Variants in NPAS3 observed in about 807,000 individuals in gnomAD.
NPAS3 encodes neuronal PAS domain-containing protein 3.
In NPAS3, 14 loss-of-function variants were observed where a neutral mutation model predicts 73.1. The observed-to-expected ratio is 0.19, with a 90% CI of 0.13 to 0.30. The LOEUF is 0.30. NPAS3 is among the 10% of genes least tolerant of loss of function. The pLI is 1.00. For synonymous variants in NPAS3, 620 were observed against 541.5 expected, an observed-to-expected ratio of 1.14 and a Z score of -2.01; for missense variants, 1,096 against 1,250.0, an observed-to-expected ratio of 0.88 and a Z score of 1.86.
chr14:33,129,162 T>A (rs538378896), intron 2 of NPAS3, among the ~76,000 whole-genome samples: 1 of 152,132 alleles, frequency 6.6e-6, no homozygotes, highest in Admixed American at 6.6e-5. Flanking sequence ...ACTCACTGAT[T>A]GAAACAAATA....
intron 2 of NPAS3, among the ~76,000 whole-genome samples, chr14:33,143,652 T>A (rs2044139904): frequency 6.6e-6 from 1 of 152,206 alleles, no homozygotes; most frequent in African/African-American, 2.4e-5. Context: ...AAATAGCACC[T>A]CTATCTAGTT....
At chr14:33,189,161 CA>C (rs2046081614) in intron 2 of NPAS3, among the ~76,000 whole-genome samples, 1 of 152,166 alleles carries the variant, frequency 6.6e-6, no homozygotes, top group South Asian at 2.1e-4. Flanking sequence ...TAGGCCTAAA[CA>C]ATTTACCTGG....
At chr14:33,583,580 G>C (rs766107954) in intron 5 of NPAS3, among the ~76,000 whole-genome samples, 19 of 152,044 alleles carry the variant, frequency 1.2e-4, no homozygotes, top group Non-Finnish European at 2.6e-4. Context: ...TAGATGTTTA[G>C]GTACAATGTA....
At position 33,653,574 on chromosome 14, in the gene NPAS3, C is replaced by T. The variant is rs934342385; in HGVS notation, c.559-22637C>T. 2.0e-5 allele frequency among the ~76,000 whole-genome samples: 3 copies of T among 152,224 alleles called. No homozygotes were observed. The South Asian group carries it at 6.2e-4, about 32-fold the overall frequency. ...ATTAGGCTGTAGTTTATACCCAGCT[C>T]ACTGGGGAAATGTTGGAATTAATAT... On this transcript the variant is annotated intron_variant, in intron 5 of 11. Transcript: ENST00000356141.
intron 5 of NPAS3, among the ~76,000 whole-genome samples, chr14:33,597,251 A>G (rs1399594721): frequency 6.6e-6 from 1 of 152,112 alleles, no homozygotes; most frequent in African/African-American, 2.4e-5. Context: ...CGTGAGCTCA[A>G]TCTTTGGAGC....
At chr14:33,326,850 G>T (rs2043732392) in intron 3 of NPAS3, among the ~76,000 whole-genome samples, 1 of 152,148 alleles carries the variant, frequency 6.6e-6, no homozygotes, top group Admixed American at 6.6e-5. Flanking sequence ...TCGGTAGCAG[G>T]TATACATGAC....
chr14:33,028,056 G>C (rs1302256576), intron 1 of NPAS3, among the ~76,000 whole-genome samples: 1 of 152,102 alleles, frequency 6.6e-6, no homozygotes, highest in Admixed American at 6.6e-5. Context: ...ACTTTTTTAT[G>C]AATTCAAGAA....
At position 33,099,331 on chromosome 14, in the gene NPAS3, A is replaced by G. The variant is rs570403490; in HGVS notation, c.140+43337A>G. ...TGAAAGCCATGGACATCTTAATACTATGGTACCATCTTTGCGTATTCATAC... is the reference window on the plus strand; with the variant it reads ...TGAAAGCCATGGACATCTTAATACTGTGGTACCATCTTTGCGTATTCATAC... On this transcript the variant is annotated intron_variant, in intron 2 of 11. Transcript: ENST00000356141. 5.3e-5 allele frequency among the ~76,000 whole-genome samples: 8 copies of G among 152,346 alleles called. No homozygotes were observed. The East Asian group carries it at 1.5e-3, about 29-fold the overall frequency.
intron 1 of NPAS3, among the ~76,000 whole-genome samples, chr14:32,940,148 G>C (rs574757963): frequency 2.6e-4 from 39 of 152,374 alleles, no homozygotes; most frequent in Admixed American, 2.5e-3. Context: ...AGCAGTTGGA[G>C]CATCTATGCC....
chr14:33,255,720 C>T (rs755040680), intron 3 of NPAS3, among the ~76,000 whole-genome samples: 11 of 152,134 alleles, frequency 7.2e-5, no homozygotes, highest in Non-Finnish European at 1.2e-4. Flanking sequence ...TCTTGGAAAA[C>T]CAATTTCACA....
chr14:33,718,337 A>G (rs1056750159), intron 6 of NPAS3, among the ~76,000 whole-genome samples: 1 of 151,380 alleles, frequency 6.6e-6, no homozygotes, highest in Non-Finnish European at 1.5e-5. Context: ...TTTCTTTTTC[A>G]TCATTTTTAT....
chr14:33,037,199 A>G (rs535733706), intron 1 of NPAS3, among the ~76,000 whole-genome samples: 1 of 152,278 alleles, frequency 6.6e-6, no homozygotes, highest in East Asian at 1.9e-4. Context: ...AAATGTTAAT[A>G]TATTTGTGAG....
rs554596457 is a variant in NPAS3 at position 33,781,083 on chromosome 14, G to A, written c.1153+2511G>A. On this transcript the variant is annotated intron_variant, in intron 9 of 11. Transcript: ENST00000356141. ...TCACATATTTAGCTATCATGCTGTG[G>A]AATAACTCCACAATGTCAAGTAGCA... Among the ~76,000 whole-genome samples, 65 of 152,282 alleles carry A rather than the reference G, an allele frequency of 4.3e-4. 1 individual carries two copies. The highest frequency in any genetic ancestry group is 1.5e-3 in the African/African-American group (62 of 41,556).
intron 4 of NPAS3, among the ~76,000 whole-genome samples, chr14:33,498,931 A>AGTGTGTGTGTGTGTGT (rs768888278): frequency 1.7e-5 from 2 of 119,294 alleles, no homozygotes; most frequent in Admixed American, 8.5e-5. Flanking sequence ...AGAGACAGAG[A>AGTGTGTGTGTGTGTGT]GAGAGTGTGT....
chr14:33,123,947 C>T (rs1327407592), intron 2 of NPAS3, among the ~76,000 whole-genome samples: 1 of 150,254 alleles, frequency 6.7e-6, no homozygotes, highest in Non-Finnish European at 1.5e-5. Flanking sequence ...CTGCAATCTC[C>T]ACTTCTGGGC....
chr14:33,090,756 C>T (rs573758044), intron 2 of NPAS3, among the ~76,000 whole-genome samples: 150 of 152,298 alleles, frequency 9.8e-4, no homozygotes, highest in African/African-American at 3.3e-3. Context: ...AAGTAAAGCA[C>T]TCCTTAGCAA....
intron 9 of NPAS3, among the ~76,000 whole-genome samples, chr14:33,781,962 G>C (rs1018498954): frequency 2.0e-5 from 3 of 152,134 alleles, no homozygotes; most frequent in Non-Finnish European, 1.5e-5. Context: ...CTTCCACTAA[G>C]TTAACATGAG....
rs145920450 is a variant in NPAS3 at position 33,327,513 on chromosome 14, G to A, written c.386-39673G>A. On this transcript the variant is annotated intron_variant, in intron 3 of 11. Coordinates refer to ENST00000356141, the Ensembl canonical transcript of NPAS3. ...GTCTGTTCCTCTGGGATATGGTGCA[G>A]GAAACTTAAAGCATATATTCAGAAA... is the stretch of plus-strand genomic sequence containing the variant. Among the ~76,000 whole-genome samples, 909 of 152,250 alleles carry A rather than the reference G, an allele frequency of 6.0e-3. 6 individuals are homozygous for A. Among genetic ancestry groups the A allele is most frequent in the African/African-American group, 0.021 (865 of 41,548 alleles).
At chr14:33,330,536 T>TA (rs1341306652) in intron 3 of NPAS3, among the ~76,000 whole-genome samples, 1 of 152,240 alleles carries the variant, frequency 6.6e-6, no homozygotes, top group Non-Finnish European at 1.5e-5. Flanking sequence ...GTACACTCTT[T>TA]AAGTTCATAA....
Sources: gnomAD v4.1 joint callset for allele counts (sites outside exome capture counted in the v4.1 genomes callset) on GRCh38, gnomAD v4.1.1 for gene constraint, MANE v1.5 for transcripts, NCBI Gene and HGNC (gene_info 2026-07-23, HGNC 2026-07-21) for gene names.